ELP4: variants seen among roughly 807,000 people sequenced by gnomAD.
ELP4 encodes elongator acetyltransferase complex subunit 4.
Under a neutral mutation model 48.9 loss-of-function variants are expected in ELP4, and 51 were observed. That is an observed-to-expected ratio of 1.04 (90% CI 0.83 to 1.32). ELP4 has a LOEUF of 1.32. Ranked by LOEUF, ELP4 falls within the 40% of genes most tolerant of loss-of-function variation. The pLI, the probability that ELP4 is intolerant of heterozygous loss-of-function variation, is 0.00. For synonymous variants in ELP4, 210 were observed against 189.2 expected (o/e 1.11, Z -0.90); for missense variants, 519 against 514.6 (o/e 1.01, Z -0.08).
chr11:31,555,156 G>A (rs1475338054), intron 3 of ELP4, among the ~76,000 whole-genome samples: 2 of 152,076 alleles, frequency 1.3e-5, no homozygotes, highest in Non-Finnish European at 2.9e-5. Context: ...TGACTATAAT[G>A]TGCTATGTAC....
intron 9 of ELP4, among the ~76,000 whole-genome samples, chr11:31,737,145 A>G (rs1394320170): frequency 6.6e-6 from 1 of 152,238 alleles, no homozygotes; most frequent in Non-Finnish European, 1.5e-5. Flanking sequence ...CCATAAAAAA[A>G]TGATGAGTTC....
At chr11:31,639,262 G>T (rs934917185) in intron 7 of ELP4, among the ~76,000 whole-genome samples, 21 of 151,782 alleles carry the variant, frequency 1.4e-4, no homozygotes, top group Non-Finnish European at 3.1e-4. Context: ...GTATTTAAGA[G>T]TTTAAAAAGA....
chr11:31,559,012 A>G (rs1463789640), intron 3 of ELP4, among the ~76,000 whole-genome samples: 1 of 152,194 alleles, frequency 6.6e-6, no homozygotes, highest in African/African-American at 2.4e-5. Flanking sequence ...CAGAGGCATT[A>G]AAACTAAAAG....
intron 3 of ELP4, among the ~76,000 whole-genome samples, chr11:31,593,346 G>A (rs1183903138): frequency 2.6e-5 from 4 of 151,834 alleles, no homozygotes; most frequent in African/African-American, 9.7e-5. Flanking sequence ...TCAACCTCCT[G>A]GGCTCAAGCG....
intron 9 of ELP4, among the ~76,000 whole-genome samples, chr11:31,696,299 G>A (rs1056159166): frequency 2.0e-5 from 3 of 151,998 alleles, no homozygotes; most frequent in Non-Finnish European, 4.4e-5. Context: ...TCTCTTGTGG[G>A]CATTTAGTGC....
chr11:31,531,729 A>G (rs1021997770), intron 2 of ELP4, among the ~76,000 whole-genome samples: 2 of 152,216 alleles, frequency 1.3e-5, no homozygotes, highest in Non-Finnish European at 2.9e-5. Flanking sequence ...GACTGAGAGC[A>G]ATGAAAAGCC....
At chr11:31,692,439 A>G (rs1434129635) in intron 9 of ELP4, among the ~76,000 whole-genome samples, 1 of 152,214 alleles carries the variant, frequency 6.6e-6, no homozygotes, top group African/African-American at 2.4e-5. Context: ...ACTACTATAA[A>G]TAATGAATTT....
chr11:31,707,706 A>C (rs1946662874), intron 9 of ELP4, among the ~76,000 whole-genome samples: 1 of 152,164 alleles, frequency 6.6e-6, no homozygotes, highest in South Asian at 2.1e-4. Flanking sequence ...CACAGTCAGG[A>C]TCTCAAAGGA....
At chr11:31,609,215 G>C (rs1447785114) in intron 5 of ELP4, among the ~76,000 whole-genome samples, 4 of 152,120 alleles carry the variant, frequency 2.6e-5, no homozygotes, top group African/African-American at 4.8e-5. Flanking sequence ...GTGCCCTTGG[G>C]TGCTATTGCC....
At chr11:31,542,306 T>C (rs1224811900) in intron 3 of ELP4, among the ~76,000 whole-genome samples, 5 of 152,232 alleles carry the variant, frequency 3.3e-5, no homozygotes, top group African/African-American at 1.2e-4. Context: ...AAGGAAATTC[T>C]ATTTATAAAT....
At chr11:31,661,077 T>G (rs1857956410) in intron 9 of ELP4, among the ~76,000 whole-genome samples, 1 of 152,080 alleles carries the variant, frequency 6.6e-6, no homozygotes, top group South Asian at 2.1e-4. Flanking sequence ...TGAAATATAT[T>G]TGTTCAACAC....
intron 9 of ELP4, among the ~76,000 whole-genome samples, chr11:31,762,585 A>G (rs1947965509): frequency 6.6e-6 from 1 of 152,026 alleles, no homozygotes. Context: ...TTTGATAGAC[A>G]AATGTATGTT....
At chr11:31,732,200 T>A (rs2134203247) in intron 9 of ELP4, among the ~76,000 whole-genome samples, 1 of 152,264 alleles carries the variant, frequency 6.6e-6, no homozygotes, top group Non-Finnish European at 1.5e-5. Flanking sequence ...TTTAATTCTA[T>A]AGAATTTAAA....
chr11:31,723,663 T>C (rs561076700), intron 9 of ELP4, among the ~76,000 whole-genome samples: 8 of 152,330 alleles, frequency 5.3e-5, no homozygotes, highest in African/African-American at 1.4e-4. Context: ...ATCCCCATTT[T>C]ACAGCTGAAG....
At chr11:31,538,501 G>A (rs561948519) in intron 2 of ELP4, among the ~76,000 whole-genome samples, 10 of 149,800 alleles carry the variant, frequency 6.7e-5, no homozygotes, top group Non-Finnish European at 1.0e-4. Flanking sequence ...CCTTCCATAC[G>A]ATATTGATTA....
At chr11:31,637,996 G>C (rs901486540) in intron 7 of ELP4, among the ~76,000 whole-genome samples, 3 of 151,652 alleles carry the variant, frequency 2.0e-5, no homozygotes, top group Non-Finnish European at 4.4e-5. Flanking sequence ...TATTTTTTAA[G>C]GCACTTTTAC....
At chr11:31,734,123 A>G (rs1426026697) in intron 9 of ELP4, among the ~76,000 whole-genome samples, 1 of 152,236 alleles carries the variant, frequency 6.6e-6, no homozygotes, top group African/African-American at 2.4e-5. Flanking sequence ...AAAGCACATG[A>G]TCATCTTAAT....
intron 3 of ELP4, among the ~76,000 whole-genome samples, chr11:31,564,378 CT>C (rs869248857): frequency 1.9e-3 from 259 of 137,720 alleles, no homozygotes; most frequent in Admixed American, 1.6e-3. Flanking sequence ...GATTCATTTT[CT>C]TTTTTTTTTT....
intron 5 of ELP4, among the ~76,000 whole-genome samples, chr11:31,623,383 ATATATAT>A (rs372101759): frequency 0.16 from 20,468 of 127,458 alleles, 2,810 homozygotes; most frequent in Middle Eastern, 0.19. Flanking sequence ...ATATATATAT[ATATATAT>A]AAAACTAGAA....
Sources: allele counts gnomAD v4.1 joint callset (sites outside exome capture counted in the v4.1 genomes callset), GRCh38; gene constraint gnomAD v4.1.1; transcripts MANE v1.5; gene names NCBI Gene and HGNC (gene_info 2026-07-23, HGNC 2026-07-21).